The following CSMD1 variants were observed in gnomAD, a reference collection of about 807,000 sequenced individuals.
CSMD1 encodes CUB and Sushi multiple domains 1, also known as CUB and sushi domain-containing protein 1.
In CSMD1, 213 loss-of-function variants were observed where a neutral mutation model predicts 417.5. The observed-to-expected ratio is 0.51, with a 90% CI of 0.46 to 0.57. The LOEUF is 0.57. CSMD1 is among the 20% of genes least tolerant of loss of function. The pLI, the probability that CSMD1 is intolerant of heterozygous loss-of-function variation, is 0.00. For synonymous variants in CSMD1, 2,862 were observed against 1,736.8 expected, an observed-to-expected ratio of 1.65 and a Z score of -16.11; for missense variants, 6,923 against 4,529.7, an observed-to-expected ratio of 1.53 and a Z score of -15.17.
intron 55 of CSMD1, among the ~76,000 whole-genome samples, chr8:2,974,973 G>C (rs527840050): frequency 6.6e-6 from 1 of 152,084 alleles, no homozygotes; most frequent in Non-Finnish European, 1.5e-5. Flanking sequence ...GGAAATTTGC[G>C]AAAGTAACAT....
intron 5 of CSMD1, among the ~76,000 whole-genome samples, chr8:3,828,471 C>A (rs1268973350): frequency 6.6e-6 from 1 of 152,148 alleles, no homozygotes; most frequent in Non-Finnish European, 1.5e-5. Context: ...CATGTGAATA[C>A]AGAAAATCAC....
chr8:4,189,490 G>A (rs768509132), intron 3 of CSMD1, among the ~76,000 whole-genome samples: 12 of 152,174 alleles, frequency 7.9e-5, no homozygotes, highest in Non-Finnish European at 1.5e-4. Context: ...CCGCTAGACA[G>A]AGAGCTATTA....
intron 2 of CSMD1, among the ~76,000 whole-genome samples, chr8:4,589,650 T>C (rs576312111): frequency 1.4e-4 from 22 of 152,298 alleles, no homozygotes; most frequent in African/African-American, 5.1e-4. Flanking sequence ...GCAAGTGTGT[T>C]TGCACTGTGA....
At chr8:3,990,225 G>A (rs1307676460) in intron 5 of CSMD1, among the ~76,000 whole-genome samples, 1 of 152,128 alleles carries the variant, frequency 6.6e-6, no homozygotes, top group Non-Finnish European at 1.5e-5. Context: ...TTTCATAGTT[G>A]ATGAAATACA....
intron 3 of CSMD1, among the ~76,000 whole-genome samples, chr8:4,128,530 C>T (rs1028324625): frequency 2.0e-5 from 3 of 152,196 alleles, no homozygotes; most frequent in Non-Finnish European, 4.4e-5. Flanking sequence ...CAAACCCCCT[C>T]CTATATTCTA....
intron 2 of CSMD1, among the ~76,000 whole-genome samples, chr8:4,544,581 T>C (rs1291835054): frequency 6.6e-6 from 1 of 152,156 alleles, no homozygotes; most frequent in Non-Finnish European, 1.5e-5. Flanking sequence ...ATTTATATAT[T>C]AATCTTAAAA....
intron 41 of CSMD1, among the ~76,000 whole-genome samples, chr8:3,141,828 G>C (rs572949008): frequency 2.3e-3 from 335 of 148,272 alleles, no homozygotes; most frequent in African/African-American, 3.5e-3. Context: ...GATGGAGTCT[G>C]GCTCTGTCGC....
At chr8:3,474,203 T>C (rs946570500) in intron 11 of CSMD1, among the ~76,000 whole-genome samples, 14 of 152,306 alleles carry the variant, frequency 9.2e-5, no homozygotes, top group East Asian at 7.7e-4. Context: ...GTGAGGTTTA[T>C]TGGCATTAGC....
chr8:3,099,052 C>A (rs1473955016), intron 46 of CSMD1, among the ~76,000 whole-genome samples: 1 of 151,806 alleles, frequency 6.6e-6, no homozygotes, highest in Non-Finnish European at 1.5e-5. Context: ...GTACTGCCCA[C>A]CTCTCCCCTT....
At chr8:4,765,704 G>A (rs536667115) in intron 1 of CSMD1, among the ~76,000 whole-genome samples, 6 of 152,310 alleles carry the variant, frequency 3.9e-5, no homozygotes, top group Non-Finnish European at 8.8e-5. Flanking sequence ...AATTCAGATT[G>A]TGCCCAATTG....
At chr8:4,826,382 C>T (rs969679770) in intron 1 of CSMD1, among the ~76,000 whole-genome samples, 12 of 152,034 alleles carry the variant, frequency 7.9e-5, no homozygotes, top group South Asian at 2.1e-4. Flanking sequence ...AGACGCAATC[C>T]TGCATATGCA....
chr8:4,622,639 A>C (rs1218906439), intron 2 of CSMD1, among the ~76,000 whole-genome samples: 1 of 152,134 alleles, frequency 6.6e-6, no homozygotes, highest in Non-Finnish European at 1.5e-5. Context: ...CAGGTTTGGA[A>C]ATGAAGGGCA....
intron 10 of CSMD1, among the ~76,000 whole-genome samples, chr8:3,534,808 C>A (rs1243442122): frequency 6.6e-6 from 1 of 152,208 alleles, no homozygotes. Context: ...TCTCACACAA[C>A]ATTTTCTTTG....
intron 26 of CSMD1, among the ~76,000 whole-genome samples, chr8:3,255,997 C>A (rs1800622052): frequency 6.6e-6 from 1 of 152,080 alleles, no homozygotes; most frequent in African/African-American, 2.4e-5. Context: ...TCCTATTCGG[C>A]CATCTTGGCT....
At chr8:4,662,019 T>C (rs749085819) in intron 1 of CSMD1, among the ~76,000 whole-genome samples, 13 of 152,192 alleles carry the variant, frequency 8.5e-5, no homozygotes, top group African/African-American at 2.7e-4. Flanking sequence ...TGAACAATTA[T>C]ATCATGGACA....
chr8:4,159,462 T>G (rs1400389281), intron 3 of CSMD1, among the ~76,000 whole-genome samples: 1 of 152,170 alleles, frequency 6.6e-6, no homozygotes, highest in Non-Finnish European at 1.5e-5. Context: ...AATTCACTAC[T>G]GTAAAAATGT....
chr8:4,969,010 T>C (rs1033693618), intron 1 of CSMD1, among the ~76,000 whole-genome samples: 1 of 152,188 alleles, frequency 6.6e-6, no homozygotes, highest in Admixed American at 6.5e-5. Flanking sequence ...CAAGATACTG[T>C]CGCTTCTGGA....
intron 2 of CSMD1, among the ~76,000 whole-genome samples, chr8:4,492,464 G>A (rs184771201): frequency 1.3e-5 from 2 of 152,188 alleles, no homozygotes; most frequent in African/African-American, 2.4e-5. Context: ...AAGTAAACAT[G>A]AGCTTAGATT....
Position 3,926,104 on chromosome 8 carries a change from CA to C in CSMD1, c.818+71798del, listed in dbSNP as rs1182223860. ...CCATACACACACACACACACACACA[CA>C]CACACACACACACACACACACACAC... On this transcript the variant is annotated intron_variant, in intron 5 of 69. Transcript: ENST00000635120. Among the ~76,000 whole-genome samples, 23 of 41,682 alleles carry C rather than the reference CA, an allele frequency of 5.5e-4. No individual in the cohort carries two copies. In the East Asian group the frequency reaches 0.019, roughly 34 times the overall value. The allele number at this position is 41,682 out of a possible 152,430, so 27.3% of individuals were successfully genotyped here.
Sources: gnomAD v4.1 joint callset for allele counts (sites outside exome capture counted in the v4.1 genomes callset) on GRCh38, gnomAD v4.1.1 for gene constraint, MANE v1.5 for transcripts, NCBI Gene and HGNC (gene_info 2026-07-23, HGNC 2026-07-21) for gene names.